CDH11: variants seen among roughly 807,000 people sequenced by gnomAD.
The protein encoded by CDH11 is cadherin 11.
A neutral mutation model predicts 67.8 loss-of-function variants in CDH11; 11 were observed. The ratio of observed to expected loss-of-function variants is 0.16; its 90% confidence interval spans 0.10 to 0.27. The LOEUF is 0.27. CDH11 is among the 10% of genes least tolerant of loss of function. CDH11 has a pLI of 1.00. For missense variants in CDH11, 847 were observed against 1,031.2 expected, an observed-to-expected ratio of 0.82 and a Z score of 2.45; for synonymous variants, 419 against 400.0, an observed-to-expected ratio of 1.05 and a Z score of -0.57.
intron 2 of CDH11, among the ~76,000 whole-genome samples, chr16:65,005,699 T>C (rs1329804149): frequency 1.3e-5 from 2 of 152,166 alleles, no homozygotes; most frequent in Non-Finnish European, 2.9e-5. Flanking sequence ...AAGGGTATAG[T>C]GTCAATTCAA....
intron 1 of CDH11, among the ~76,000 whole-genome samples, chr16:65,098,277 G>T (rs2142848929): frequency 6.6e-6 from 1 of 152,222 alleles, no homozygotes; most frequent in South Asian, 2.1e-4. Context: ...TGGATACTAA[G>T]GGATGACAGA....
At chr16:65,030,046 A>G (rs929110695) in intron 2 of CDH11, among the ~76,000 whole-genome samples, 1 of 152,210 alleles carries the variant, frequency 6.6e-6, no homozygotes, top group Non-Finnish European at 1.5e-5. Flanking sequence ...GCTGAAGTAG[A>G]AAATCTTTTA....
chr16:64,992,896 C>T lies in CDH11; in HGVS notation c.643+19G>A. 6.2e-7 allele frequency: 1 copy of T among 1,610,774 alleles called. No homozygotes were observed. Among genetic ancestry groups the T allele is most frequent in the Non-Finnish European group, 8.5e-7 (1 of 1,177,630 alleles). On this transcript the variant is annotated intron_variant, in intron 5 of 12. Transcript: ENST00000268603. ...CTTATTCACCATGTGTCACAAATCACAGTGACATTCCACAGTACCTGTCTG... is the reference window on the plus strand; with the variant it reads ...CTTATTCACCATGTGTCACAAATCATAGTGACATTCCACAGTACCTGTCTG...
chr16:65,066,166 C>T (rs1344854656), intron 1 of CDH11, among the ~76,000 whole-genome samples: 2 of 152,200 alleles, frequency 1.3e-5, no homozygotes, highest in Non-Finnish European at 2.9e-5. Context: ...TTTCACTCTG[C>T]CTCCTTCATT....
In CDH11 at chr16:64,944,126, G is replaced by C. The variant is rs541147413; in HGVS notation, c.*3477C>G. The C allele has an allele frequency of 4.3e-6, 1 of 232,704 alleles. No individual in the cohort carries two copies. Among genetic ancestry groups the C allele is most frequent in the African/African-American group, 2.2e-5 (1 of 45,414 alleles). 14.4% of individuals were successfully genotyped at this position (232,704 alleles called of 1,614,324 possible). ...GTTCATGTAAAGCAATAAAATAAAG[G>C]CATCAGAATTCATTTTAAGTCTTTG... On this transcript the variant is annotated 3_prime_UTR_variant, in exon 13 of 13. Coordinates refer to ENST00000268603, the MANE Select transcript of CDH11 (RefSeq NM_001797.4).
At chr16:65,037,613 C>T (rs999231255) in intron 2 of CDH11, among the ~76,000 whole-genome samples, 5 of 152,150 alleles carry the variant, frequency 3.3e-5, no homozygotes, top group African/African-American at 1.2e-4. Flanking sequence ...CCTCCTCTCT[C>T]CCCTAACAAC....
At chr16:64,959,963 A>C (rs547738643) in intron 11 of CDH11, among the ~76,000 whole-genome samples, 1 of 152,286 alleles carries the variant, frequency 6.6e-6, no homozygotes, top group East Asian at 1.9e-4. Context: ...TTTGTTGTTT[A>C]TTTATGTCTT....
At chr16:65,057,636 G>A (rs2074167394) in intron 1 of CDH11, among the ~76,000 whole-genome samples, 1 of 152,166 alleles carries the variant, frequency 6.6e-6, no homozygotes, top group Non-Finnish European at 1.5e-5. Context: ...AGTACGTGCA[G>A]AGCCATATCC....
intron 1 of CDH11, among the ~76,000 whole-genome samples, chr16:65,085,617 T>TA (rs2142814603): frequency 6.6e-6 from 1 of 152,326 alleles, no homozygotes; most frequent in South Asian, 2.1e-4. Flanking sequence ...TTTCATAGGA[T>TA]AGACTGTAGA....
In CDH11 at chr16:65,121,051, T is replaced by A. The variant is rs540587016; in HGVS notation, c.-298+829A>T. 6.6e-6 allele frequency among the ~76,000 whole-genome samples: 1 copy of A among 152,238 alleles called. No individual in the cohort carries two copies. Among genetic ancestry groups the A allele is most frequent in the African/African-American group, 2.4e-5 (1 of 41,552 alleles). ...CGGGAGCTAGAGAGGCTTGGCGCGC[T>A]CCGAGAAGCGGCGCAGGTTTCGGGA... On this transcript the variant is annotated intron_variant, in intron 1 of 12. Transcript: ENST00000268603. This position sits in a 1 kb window ranked among gnomAD's most constrained non-coding sequence, Gnocchi z 4.1.
At position 64,944,178 on chromosome 16, in the gene CDH11, C is replaced by T. The variant is rs552511824; in HGVS notation, c.*3425G>A. On this transcript the variant is annotated 3_prime_UTR_variant, in exon 13 of 13. Coordinates refer to ENST00000268603, the MANE Select transcript of CDH11 (RefSeq NM_001797.4). ...GAAGCCAGTGAAGAGGTTTAAGTTA[C>T]GAAGTCATGTGATCTGGGTTGTGTG... 4.3e-5 allele frequency: 10 copies of T among 232,726 alleles called. No individual in the cohort carries two copies. Among genetic ancestry groups the T allele is most frequent in the African/African-American group, 1.1e-4 (5 of 45,404 alleles). 14.4% of individuals were successfully genotyped at this position (232,726 alleles called of 1,614,324 possible).
chr16:65,074,643 A>C (rs542646680), intron 1 of CDH11, among the ~76,000 whole-genome samples: 1 of 152,248 alleles, frequency 6.6e-6, no homozygotes, highest in Non-Finnish European at 1.5e-5. Flanking sequence ...TTCCAAGCCC[A>C]TATCTTCCCC....
intron 2 of CDH11, among the ~76,000 whole-genome samples, chr16:65,027,259 C>T (rs1382329421): frequency 6.6e-6 from 1 of 152,152 alleles, no homozygotes; most frequent in African/African-American, 2.4e-5. Flanking sequence ...CATAAACAAA[C>T]CAAATGATAC....
intron 11 of CDH11, among the ~76,000 whole-genome samples, chr16:64,958,600 A>T (rs1050666930): frequency 6.6e-6 from 1 of 152,174 alleles, no homozygotes; most frequent in African/African-American, 2.4e-5. Context: ...TCACAAGCAC[A>T]TGGAAAATAA....
intron 11 of CDH11, among the ~76,000 whole-genome samples, chr16:64,953,655 T>C (rs1047648391): frequency 6.6e-6 from 1 of 152,180 alleles, no homozygotes; most frequent in African/African-American, 2.4e-5. Context: ...TACTTAGCAA[T>C]TACAATAAAA....
intron 1 of CDH11, among the ~76,000 whole-genome samples, chr16:65,063,673 A>G (rs1372829093): frequency 1.3e-5 from 2 of 152,144 alleles, no homozygotes; most frequent in African/African-American, 4.8e-5. Flanking sequence ...ATAAAGATAT[A>G]TAATAGTATC....
chr16:64,996,133 C>T (rs2072757165), intron 4 of CDH11, among the ~76,000 whole-genome samples: 2 of 152,034 alleles, frequency 1.3e-5, no homozygotes, highest in African/African-American at 4.8e-5. Context: ...ATATACACTG[C>T]TGGTTGGAAT....
rs767357192 is a variant in CDH11, at chr16:64,950,930, G to A, written c.1731C>T (p.Gly577=). 3.7e-6 allele frequency: 6 copies of A among 1,614,038 alleles called. No individual in the cohort carries two copies. The highest frequency in any genetic ancestry group is 4.5e-5 in the East Asian group (2 of 44,874). ...TGGTGCTACTCATGGGCGGGATGCC[G>A]CCATCGCTGATCACTATGGGCAGAA... ...LYLLPIVISD[G]GIPPMSSTNT... Residue 577 remains glycine (G), a synonymous_variant, in exon 12 of 13, where the codon GGC becomes GGT. Transcript: ENST00000268603.
At chr16:65,014,365 C>T (rs765016085) in intron 2 of CDH11, among the ~76,000 whole-genome samples, 19 of 152,016 alleles carry the variant, frequency 1.2e-4, no homozygotes, top group Non-Finnish European at 2.4e-4. Context: ...TTTATTTAAC[C>T]CAGCATGCCC....
Sources: allele counts gnomAD v4.1 joint callset (sites outside exome capture counted in the v4.1 genomes callset), GRCh38; gene constraint gnomAD v4.1.1; non-coding constraint Gnocchi (gnomAD v3.1); transcripts MANE v1.5; gene names NCBI Gene and HGNC (gene_info 2026-07-23, HGNC 2026-07-21).